Variants in CPAMD8 observed in about 807,000 individuals in gnomAD.
The protein encoded by CPAMD8 is C3 and PZP-like alpha-2-macroglobulin domain-containing protein 8.
A neutral mutation model predicts 224.7 loss-of-function variants in CPAMD8; 146 were observed. That is an observed-to-expected ratio of 0.65 (90% CI 0.57 to 0.75). CPAMD8 has a LOEUF of 0.75. CPAMD8 is among the 30% of genes least tolerant of loss of function. The probability of loss-of-function intolerance (pLI) is 0.00; values close to 1 mark genes in which losing one functional copy is unlikely to be tolerated. For synonymous variants in CPAMD8, 966 were observed against 1,044.6 expected (o/e 0.92, Z 1.45); for missense variants, 2,301 against 2,537.5 (o/e 0.91, Z 2.00).
intron 22 of CPAMD8, among the ~76,000 whole-genome samples, chr19:16,944,109 T>A (rs954805394): frequency 6.6e-6 from 1 of 152,106 alleles, no homozygotes; most frequent in Non-Finnish European, 1.5e-5. Context: ...CGTGCACAGA[T>A]GATGATTCCC....
chr19:16,967,893 G>GTGTGTATATATGTGCATATATACACACA (rs1568540073), intron 18 of CPAMD8, among the ~76,000 whole-genome samples: 4 of 43,310 alleles, frequency 9.2e-5, no homozygotes, highest in Admixed American at 1.9e-4. Flanking sequence ...ACACACACAT[G>GTGTGTATATATGTGCATATATACACACA]TGTGTGTATA....
intron 19 of CPAMD8, among the ~76,000 whole-genome samples, chr19:16,956,753 C>T (rs949788884): frequency 4.6e-5 from 7 of 151,962 alleles, no homozygotes; most frequent in African/African-American, 1.4e-4. Flanking sequence ...CTGCAACCTC[C>T]GTCTCCCAGG....
chr19:16,917,104 G>A (rs894099689), intron 27 of CPAMD8, among the ~76,000 whole-genome samples: 5 of 152,166 alleles, frequency 3.3e-5, no homozygotes, highest in African/African-American at 9.7e-5. Context: ...AAAGAAATGA[G>A]CTCTCAGCCG....
At chr19:16,967,775 C>T (rs2122588714) in intron 18 of CPAMD8, among the ~76,000 whole-genome samples, 1 of 140,126 alleles carries the variant, frequency 7.1e-6, no homozygotes, top group South Asian at 2.3e-4. Context: ...CGCCACTACA[C>T]TCCAGCCTGG....
In CPAMD8 at chr19:16,929,189, C is replaced by G; in HGVS notation, c.2897G>C (p.Arg966Pro). The change falls in exon 24 of 42, where the codon CGG becomes CCG. Residue 966 changes from arginine to proline, a missense_variant. Around this residue, in one of 4 missense-constraint regions of CPAMD8, gnomAD observed 1,709 missense variants for 1,753.2 expected, o/e 0.97. Transcript: ENST00000443236. ...ATCAAAGCGGGTGAGGCGCAGTGGC[C>G]GCTGCACATACTGGAACTCATACTT... ...PNKYEFQYVQRPLRLTRFDVA... is the reference protein window; with the variant it reads ...PNKYEFQYVQPPLRLTRFDVA... 6.2e-7 allele frequency: 1 copy of G among 1,613,786 alleles called. No individual in the cohort carries two copies. The highest frequency in any genetic ancestry group is 1.3e-5 in the African/African-American group (1 of 75,032).
intron 24 of CPAMD8, 40 bp from the exon 25 acceptor site, chr19:16,928,274 G>T: frequency 6.4e-7 from 1 of 1,554,290 alleles, no homozygotes; most frequent in Non-Finnish European, 8.8e-7. Flanking sequence ...CTGGCAGGAA[G>T]CAGGCAGTAG....
intron 18 of CPAMD8, among the ~76,000 whole-genome samples, chr19:16,960,724 A>T (rs2054624729): frequency 6.6e-6 from 1 of 152,038 alleles, no homozygotes; most frequent in Non-Finnish European, 1.5e-5. Flanking sequence ...CAACATGGTG[A>T]AACCCCCTCT....
intron 5 of CPAMD8, among the ~76,000 whole-genome samples, chr19:17,010,159 T>C (rs2123128546): frequency 6.6e-6 from 1 of 152,194 alleles, no homozygotes; most frequent in Non-Finnish European, 1.5e-5. Flanking sequence ...AGGTTACTAT[T>C]GGAACAACAT....
chr19:16,894,212 C>T, intron 41 of CPAMD8: 1 of 344,220 alleles, frequency 2.9e-6, no homozygotes, highest in Non-Finnish European at 6.0e-6. Flanking sequence ...CCCCCCTGCA[C>T]CACACCGGTG....
chr19:16,986,069 C>T (rs2122834654), intron 13 of CPAMD8, among the ~76,000 whole-genome samples: 1 of 152,144 alleles, frequency 6.6e-6, no homozygotes, highest in South Asian at 2.1e-4. Context: ...AAATTTATGG[C>T]ATCAAAACAA....
In CPAMD8 at chr19:16,938,493, G is replaced by A. The variant is rs961779593; in HGVS notation, c.2794-47C>T. ...AACTGAGTGCTGGGGCGGTGAGGGG[G>A]ATGGTCAGCTCAGCGGAGCAGCTGG... On this transcript the variant is annotated intron_variant, in intron 22 of 41. Transcript: ENST00000443236. 3 of 1,127,012 alleles carry A rather than the reference G, an allele frequency of 2.7e-6. No individual in the cohort carries two copies. In the South Asian group the frequency reaches 4.0e-5, roughly 15 times the overall value. The allele number at this position is 1,127,012 out of a possible 1,614,324, so 69.8% of individuals were successfully genotyped here.
intron 2 of CPAMD8, 39 bp from the exon 3 acceptor site, chr19:17,020,392 G>A (rs772880399): frequency 6.7e-7 from 1 of 1,481,984 alleles, no homozygotes; most frequent in Non-Finnish European, 9.4e-7. Context: ...TAAATCAAGA[G>A]CTGTGTTGCC....
At chr19:16,966,410 AC>A (rs2054829289) in intron 18 of CPAMD8, among the ~76,000 whole-genome samples, 1 of 152,216 alleles carries the variant, frequency 6.6e-6, no homozygotes, top group Non-Finnish European at 1.5e-5. Context: ...CCTAGGCAAT[AC>A]CATTCAAGAC....
intron 29 of CPAMD8, among the ~76,000 whole-genome samples, chr19:16,912,388 C>A (rs968937944): frequency 6.6e-6 from 1 of 152,140 alleles, no homozygotes; most frequent in Non-Finnish European, 1.5e-5. Flanking sequence ...GAAAAAGATT[C>A]TTGGGAGAAG....
intron 11 of CPAMD8, 29 bp downstream of exon 11, chr19:16,997,081 CG>C (rs767001698): frequency 2.1e-6 from 3 of 1,420,120 alleles, no homozygotes; most frequent in Non-Finnish European, 3.0e-6. Flanking sequence ...GGTCCTTGGG[CG>C]GGAGGCAGCA....
intron 18 of CPAMD8, among the ~76,000 whole-genome samples, chr19:16,963,271 CATTATTGTGCTGT>C (rs2054714534): frequency 6.6e-6 from 1 of 152,122 alleles, no homozygotes; most frequent in Non-Finnish European, 1.5e-5. Context: ...AGTCAAGACC[CATTATTGTGCTGT>C]ATTCAGGAGA....
intron 29 of CPAMD8, among the ~76,000 whole-genome samples, chr19:16,911,137 G>C (rs1386739412): frequency 1.3e-5 from 2 of 152,194 alleles, no homozygotes; most frequent in East Asian, 3.8e-4. Flanking sequence ...GTCACAGACT[G>C]GTACCGGTTG....
chr19:17,012,345 T>TA (rs1568601495), intron 3 of CPAMD8, among the ~76,000 whole-genome samples: 11 of 136,012 alleles, frequency 8.1e-5, no homozygotes, highest in Admixed American at 1.6e-4. Context: ...TTTCTTTCTT[T>TA]CTTTCTTTTT....
chr19:16,975,271 G>C lies in CPAMD8; in HGVS notation c.1909-13C>G, dbSNP rs539967929. Reference sequence around the variant, plus strand: ...GTTCCTGGAAAACCTGCAGGCAAAGGGGGACAGAGACTTGTCAGCTGAAGT... The same window carrying C: ...GTTCCTGGAAAACCTGCAGGCAAAGCGGGACAGAGACTTGTCAGCTGAAGT... On this transcript the variant is annotated splice_polypyrimidine_tract_variant and intron_variant, in intron 16 of 41. Transcript: ENST00000443236. 4.4e-6 allele frequency: 7 copies of C among 1,594,282 alleles called. No individual in the cohort carries two copies. The highest frequency in any genetic ancestry group is 6.0e-6 in the Non-Finnish European group (7 of 1,169,030).
Sources: gnomAD v4.1 joint callset for allele counts (sites outside exome capture counted in the v4.1 genomes callset) on GRCh38, gnomAD v4.1.1 for gene constraint, gnomAD v4.1.1 regional missense constraint, MANE v1.5 for transcripts, NCBI Gene and HGNC (gene_info 2026-07-23, HGNC 2026-07-21) for gene names.